DSCAM: variants seen among roughly 807,000 people sequenced by gnomAD.
DSCAM encodes the protein cell adhesion molecule DSCAM.
DSCAM carries 47 observed loss-of-function variants against 217.7 expected under a neutral mutation model. That is an observed-to-expected ratio of 0.22 (90% confidence interval 0.17 to 0.28). The LOEUF (loss-of-function observed/expected upper bound fraction) is 0.28. Ranked by LOEUF, DSCAM falls within the 10% of genes least tolerant of loss-of-function variation. The pLI is 1.00. For missense variants in DSCAM, 2,080 were observed against 2,618.3 expected (o/e 0.79, Z 4.49); for synonymous variants, 1,056 against 1,015.3 (o/e 1.04, Z -0.76).
intron 3 of DSCAM, among the ~76,000 whole-genome samples, chr21:40,506,737 A>G (rs2076213000): frequency 6.6e-6 from 1 of 152,254 alleles, no homozygotes; most frequent in African/African-American, 2.4e-5. Context: ...TCCAGGAAGA[A>G]GCGTTTTTAA....
At chr21:40,070,208 GA>G (rs2089271268) in intron 27 of DSCAM, among the ~76,000 whole-genome samples, 1 of 136,558 alleles carries the variant, frequency 7.3e-6, no homozygotes, top group South Asian at 2.5e-4. Context: ...GGGAGAGAGA[GA>G]AAAAAGGAGA....
At chr21:40,743,671 A>T (rs912490273) in intron 1 of DSCAM, among the ~76,000 whole-genome samples, 1 of 152,174 alleles carries the variant, frequency 6.6e-6, no homozygotes, top group Non-Finnish European at 1.5e-5. Context: ...GTGATACAAG[A>T]GAGTTATTCT....
intron 3 of DSCAM, among the ~76,000 whole-genome samples, chr21:40,567,882 T>C (rs1601750897): frequency 6.6e-6 from 1 of 152,304 alleles, no homozygotes; most frequent in Non-Finnish European, 1.5e-5. Flanking sequence ...GATATTTTGT[T>C]CCTTTCTATA....
rs118140304 is a variant in DSCAM at position 40,810,526 on chromosome 21, C to T, written c.43+36093G>A. ...AGTCAGAGAGATCTGGGTTTGGATC[C>T]TGGCCCCATCACTAATTAGCTGACC... is the stretch of plus-strand genomic sequence containing the variant. On this transcript the variant is annotated intron_variant, in intron 1 of 32. Transcript: ENST00000400454. Among the ~76,000 whole-genome samples the T allele has an allele frequency of 1.5e-3, 221 of 152,266 alleles. 2 individuals carry two copies. Among genetic ancestry groups the T allele is most frequent in the Middle Eastern group, 6.8e-3 (2 of 294 alleles).
chr21:40,651,001 G>A (rs993396306), intron 3 of DSCAM, among the ~76,000 whole-genome samples: 1 of 152,172 alleles, frequency 6.6e-6, no homozygotes, highest in South Asian at 2.1e-4. Flanking sequence ...TCTAGGGGAG[G>A]GTTCCTAAAG....
At chr21:40,471,605 G>C (rs934714212) in intron 3 of DSCAM, among the ~76,000 whole-genome samples, 2 of 152,144 alleles carry the variant, frequency 1.3e-5, no homozygotes, top group African/African-American at 2.4e-5. Flanking sequence ...TGAGGCAACA[G>C]AGTGTAAACC....
At chr21:40,136,213 T>C (rs2090207274) in intron 18 of DSCAM, among the ~76,000 whole-genome samples, 1 of 152,248 alleles carries the variant, frequency 6.6e-6, no homozygotes. Flanking sequence ...AATACTTGGT[T>C]GTCCCAGATG....
chr21:40,681,641 CA>C (rs1363255752), intron 3 of DSCAM, among the ~76,000 whole-genome samples: 2 of 152,016 alleles, frequency 1.3e-5, no homozygotes, highest in African/African-American at 2.4e-5. Flanking sequence ...TAGCTTCCCC[CA>C]AAAATGTCCT....
At chr21:40,096,057 A>G (rs957235424) in intron 20 of DSCAM, among the ~76,000 whole-genome samples, 1 of 152,208 alleles carries the variant, frequency 6.6e-6, no homozygotes, top group Admixed American at 6.5e-5. Context: ...TCAAGCTGGG[A>G]ACTGCTTAGG....
intron 1 of DSCAM, among the ~76,000 whole-genome samples, chr21:40,753,639 G>A (rs1023650998): frequency 6.6e-6 from 1 of 152,108 alleles, no homozygotes; most frequent in Non-Finnish European, 1.5e-5. Flanking sequence ...TCAAACTAAT[G>A]GTAGTAATTG....
At chr21:40,226,105 T>C (rs184449623) in intron 11 of DSCAM, among the ~76,000 whole-genome samples, 117 of 152,304 alleles carry the variant, frequency 7.7e-4, no homozygotes, top group African/African-American at 2.7e-3. Flanking sequence ...TGTTGTACAA[T>C]TGGAGAAACT....
At chr21:40,526,027 CTCTACTGACTTCTTT>C (rs1168666145) in intron 3 of DSCAM, among the ~76,000 whole-genome samples, 1 of 152,166 alleles carries the variant, frequency 6.6e-6, no homozygotes, top group Non-Finnish European at 1.5e-5. Context: ...ACAACACCCT[CTCTACTGACTTCTTT>C]TCTTTCCCAT....
chr21:40,587,647 A>T lies in DSCAM; in HGVS notation c.508+105163T>A, dbSNP rs572372118. ...TATAATCATTTAAATAGTAAGAGTA[A>T]TTTTTTTCAGTGATGCTGCAGCACA... On this transcript the variant is annotated intron_variant, in intron 3 of 32. Coordinates refer to ENST00000400454, the MANE Select transcript of DSCAM (RefSeq NM_001389.5). Among the ~76,000 whole-genome samples, 3 of 152,262 alleles carry T rather than the reference A, an allele frequency of 2.0e-5. No individual in the cohort carries two copies. In the East Asian group the frequency reaches 5.8e-4, roughly 29 times the overall value.
chr21:40,378,533 A>G (rs1318779959), intron 3 of DSCAM, among the ~76,000 whole-genome samples: 1 of 144,296 alleles, frequency 6.9e-6, no homozygotes, highest in Non-Finnish European at 1.5e-5. Context: ...GCACGGATGC[A>G]TAATTTAACA....
intron 3 of DSCAM, among the ~76,000 whole-genome samples, chr21:40,641,032 CCTA>C (rs1187648263): frequency 1.3e-5 from 2 of 152,142 alleles, no homozygotes; most frequent in African/African-American, 4.8e-5. Flanking sequence ...GCATAAGAGC[CCTA>C]CTGTTTGTGT....
chr21:40,162,570 T>A (rs2090551040), intron 16 of DSCAM, among the ~76,000 whole-genome samples: 1 of 152,218 alleles, frequency 6.6e-6, no homozygotes, highest in African/African-American at 2.4e-5. Context: ...TGAAACTTAA[T>A]AGGTTGTAAT....
Position 40,560,335 on chromosome 21 carries a change from CA to C in DSCAM, c.508+132474del, listed in dbSNP as rs557863819. 2.8e-4 allele frequency among the ~76,000 whole-genome samples: 43 copies of C among 152,258 alleles called. 1 individual carries two copies. The South Asian group carries it at 8.3e-3, about 29-fold the overall frequency. On this transcript the variant is annotated intron_variant, in intron 3 of 32. Transcript: ENST00000400454. ...AAGCAGTCAGGTAGGCAGGTGGCTC[CA>C]GGGGGACCCCCTGTGTGGGGTGGAA...
At chr21:40,342,432 T>A (rs1003342755) in intron 6 of DSCAM, among the ~76,000 whole-genome samples, 2 of 151,764 alleles carry the variant, frequency 1.3e-5, no homozygotes, top group African/African-American at 4.8e-5. Context: ...GAAGAATTAT[T>A]CTGTTTTCTT....
chr21:40,328,858 C>G (rs969625496), intron 8 of DSCAM, among the ~76,000 whole-genome samples: 1 of 151,852 alleles, frequency 6.6e-6, no homozygotes, highest in East Asian at 1.9e-4. Flanking sequence ...GGCAATGAAC[C>G]TGAATAAACA....
Sources: gnomAD v4.1 joint callset for allele counts (sites outside exome capture counted in the v4.1 genomes callset) on GRCh38, gnomAD v4.1.1 for gene constraint, MANE v1.5 for transcripts, NCBI Gene and HGNC (gene_info 2026-07-23, HGNC 2026-07-21) for gene names.